Variants in CNTNAP2 observed in about 807,000 individuals in gnomAD.
The protein encoded by CNTNAP2 is contactin associated protein 2, also known as contactin-associated protein-like 2.
CNTNAP2 carries 98 observed loss-of-function variants against 155.2 expected under a neutral mutation model. The observed-to-expected ratio is 0.63, with a 90% CI of 0.54 to 0.75. The LOEUF (loss-of-function observed/expected upper bound fraction) is 0.75, where lower values mean the gene tolerates loss of function less well. Among genes scored for constraint, CNTNAP2 ranks in the 30% least tolerant of loss-of-function variants. The pLI is 0.00. For synonymous variants in CNTNAP2, 651 were observed against 631.2 expected (o/e 1.03, Z -0.47); for missense variants, 1,727 against 1,688.1 (o/e 1.02, Z -0.40).
chr7:147,484,831 C>T lies in CNTNAP2; in HGVS notation c.1671-1104C>T, dbSNP rs145868355. Among the ~76,000 whole-genome samples the T allele has an allele frequency of 2.2e-3, 341 of 152,224 alleles. 2 individuals carry two copies. The highest frequency in any genetic ancestry group is 7.9e-3 in the African/African-American group (330 of 41,524). On this transcript the variant is annotated intron_variant, in intron 10 of 23. Coordinates refer to ENST00000361727, the MANE Select transcript of CNTNAP2 (RefSeq NM_014141.6). The stretch of plus-strand genomic sequence containing the variant: ...TCTTTATCTGTCCTTTGCCAGTGAC[C>T]CATGATTATAGATTCTGCTATTTTA...
intron 1 of CNTNAP2, among the ~76,000 whole-genome samples, chr7:146,363,657 C>T (rs548125250): frequency 3.6e-4 from 54 of 152,086 alleles, no homozygotes; most frequent in Non-Finnish European, 6.6e-4. Flanking sequence ...CCAAATGACA[C>T]GAGAATATTT....
At chr7:147,011,231 T>G (rs1351743340) in intron 3 of CNTNAP2, among the ~76,000 whole-genome samples, 3 of 151,606 alleles carry the variant, frequency 2.0e-5, no homozygotes, top group Non-Finnish European at 4.4e-5. Context: ...TTGGACAACA[T>G]CATGAAACCC....
chr7:147,003,871 A>C (rs867860300), intron 3 of CNTNAP2, among the ~76,000 whole-genome samples: 1 of 151,910 alleles, frequency 6.6e-6, no homozygotes, highest in Non-Finnish European at 1.5e-5. Flanking sequence ...TTTACAAATA[A>C]TTTTTTAAAA....
Position 147,801,468 on chromosome 7 carries a change from C to T in CNTNAP2, c.2099-102097C>T, listed in dbSNP as rs543384707. On this transcript the variant is annotated intron_variant, in intron 13 of 23. Coordinates refer to ENST00000361727, the MANE Select transcript of CNTNAP2 (RefSeq NM_014141.6). ...TGGTTTTCCTAGGCAGAGCACCCTG[C>T]GGCCTTCCGCAGTGTTTGTGTCCCT... Among the ~76,000 whole-genome samples, 1,442 of 151,948 alleles carry T rather than the reference C, an allele frequency of 9.5e-3. 6 individuals are homozygous for T. The highest frequency in any genetic ancestry group is 0.01 in the Non-Finnish European group (712 of 67,934).
intron 3 of CNTNAP2, among the ~76,000 whole-genome samples, chr7:146,889,712 T>G (rs1416503819): frequency 6.6e-6 from 1 of 152,150 alleles, no homozygotes; most frequent in Non-Finnish European, 1.5e-5. Flanking sequence ...CATCACTTAT[T>G]CCTAGTGTAT....
In CNTNAP2 at chr7:146,438,318, CT is replaced by C. The variant is rs1796273372; in HGVS notation, c.97+321347del. ...TTTTTAAAGAGTCTATTCATATCCC[CT>C]TGATCCAGGGTTCCATGGAACACAG... On this transcript the variant is annotated intron_variant, in intron 1 of 23. Transcript: ENST00000361727. 4.6e-5 allele frequency among the ~76,000 whole-genome samples: 7 copies of C among 150,552 alleles called. No individual in the cohort carries two copies. In the South Asian group the frequency reaches 1.5e-3, roughly 31 times the overall value.
chr7:148,042,969 G>A (rs1316264790), intron 15 of CNTNAP2, among the ~76,000 whole-genome samples: 5 of 152,194 alleles, frequency 3.3e-5, no homozygotes, highest in African/African-American at 1.2e-4. Flanking sequence ...CCACACAAAT[G>A]TTCTGTAAAG....
intron 3 of CNTNAP2, among the ~76,000 whole-genome samples, chr7:146,953,594 A>G (rs539367864): frequency 6.6e-6 from 1 of 152,124 alleles, no homozygotes; most frequent in South Asian, 2.1e-4. Flanking sequence ...TACCTCTTGC[A>G]TCATATATAA....
chr7:148,096,279 ATGTGTGTGTGTG>A (rs3056207), intron 15 of CNTNAP2, among the ~76,000 whole-genome samples: 4 of 144,722 alleles, frequency 2.8e-5, no homozygotes, highest in Admixed American at 6.9e-5. Context: ...GCATGCATGC[ATGTGTGTGTGTG>A]TGTGTGTGTG....
At position 146,523,593 on chromosome 7, in the gene CNTNAP2, A is replaced by G. The variant is rs536307464; in HGVS notation, c.98-250678A>G. ...TTTATCAGTGCAGTTTTGGATGTGCACCATTTAAAAAATAAGGTCTTTCTT... is the reference window on the plus strand; with the variant it reads ...TTTATCAGTGCAGTTTTGGATGTGCGCCATTTAAAAAATAAGGTCTTTCTT... On this transcript the variant is annotated intron_variant, in intron 1 of 23. Coordinates refer to ENST00000361727, the MANE Select transcript of CNTNAP2 (RefSeq NM_014141.6). 5.3e-5 allele frequency among the ~76,000 whole-genome samples: 8 copies of G among 152,208 alleles called. No homozygotes were observed. In the South Asian group the frequency reaches 1.7e-3, roughly 32 times the overall value.
intron 3 of CNTNAP2, among the ~76,000 whole-genome samples, chr7:146,925,263 G>T (rs1261244697): frequency 6.6e-6 from 1 of 151,832 alleles, no homozygotes; most frequent in Non-Finnish European, 1.5e-5. Context: ...TTTATTTCTG[G>T]CTTTCACAGA....
At chr7:146,757,411 G>A (rs1437713315) in intron 1 of CNTNAP2, among the ~76,000 whole-genome samples, 1 of 152,126 alleles carries the variant, frequency 6.6e-6, no homozygotes, top group African/African-American at 2.4e-5. Context: ...CCTTAAATAA[G>A]TTTAATTTCT....
At chr7:146,611,093 T>C (rs1679821478) in intron 1 of CNTNAP2, among the ~76,000 whole-genome samples, 2 of 152,350 alleles carry the variant, frequency 1.3e-5, no homozygotes. Flanking sequence ...CAAAGCCGTT[T>C]ATGTATTTTG....
At chr7:147,106,457 C>T (rs1800767171) in intron 4 of CNTNAP2, among the ~76,000 whole-genome samples, 1 of 151,982 alleles carries the variant, frequency 6.6e-6, no homozygotes, top group African/African-American at 2.4e-5. Flanking sequence ...TTTTTTCCCT[C>T]ATATTAAAAT....
At chr7:147,450,242 G>A (rs1414619841) in intron 10 of CNTNAP2, among the ~76,000 whole-genome samples, 1 of 152,192 alleles carries the variant, frequency 6.6e-6, no homozygotes, top group Admixed American at 6.5e-5. Flanking sequence ...TGCCATTCCT[G>A]ACTTGAAGTT....
intron 8 of CNTNAP2, among the ~76,000 whole-genome samples, chr7:147,148,981 G>A (rs988673470): frequency 6.6e-6 from 1 of 152,218 alleles, no homozygotes; most frequent in African/African-American, 2.4e-5. Flanking sequence ...AAGATTTATT[G>A]TGAAGAGCGA....
intron 10 of CNTNAP2, among the ~76,000 whole-genome samples, chr7:147,456,574 T>G (rs937755396): frequency 1.3e-5 from 2 of 152,118 alleles, no homozygotes; most frequent in Admixed American, 1.3e-4. Context: ...AATGAGATTT[T>G]GTGACTCAGA....
chr7:148,086,275 T>C (rs1803728305), intron 15 of CNTNAP2, among the ~76,000 whole-genome samples: 1 of 152,174 alleles, frequency 6.6e-6, no homozygotes, highest in South Asian at 2.1e-4. Flanking sequence ...TAATGCCCAT[T>C]TTTTAGTTTT....
At chr7:147,292,599 G>A (rs1805338735) in intron 8 of CNTNAP2, among the ~76,000 whole-genome samples, 2 of 152,054 alleles carry the variant, frequency 1.3e-5, no homozygotes. Context: ...ATGATTTGGA[G>A]GAATCAGGGT....
Sources: allele counts gnomAD v4.1 joint callset (sites outside exome capture counted in the v4.1 genomes callset), GRCh38; gene constraint gnomAD v4.1.1; transcripts MANE v1.5; gene names NCBI Gene and HGNC (gene_info 2026-07-23, HGNC 2026-07-21).